The following SLC66A1 variants were observed in gnomAD, a reference collection of about 807,000 sequenced individuals.
SLC66A1 encodes the protein solute carrier family 66 member 1.
A neutral mutation model predicts 33.0 loss-of-function variants in SLC66A1; 23 were observed. The ratio of observed to expected loss-of-function variants is 0.70; its 90% CI spans 0.50 to 0.99. The LOEUF (loss-of-function observed/expected upper bound fraction) is 0.99. SLC66A1 is among the 50% of genes least tolerant of loss of function. The probability of loss-of-function intolerance (pLI) is 0.00; values close to 1 mark genes in which losing one functional copy is unlikely to be tolerated. For missense variants in SLC66A1, 335 were observed against 383.6 expected, an observed-to-expected ratio of 0.87 and a Z score of 1.06; for synonymous variants, 164 against 175.5, an observed-to-expected ratio of 0.93 and a Z score of 0.52.
Position 19,325,643 on chromosome 1 carries a change from G to GTGA in SLC66A1, c.382+61_382+62insTGA, listed in dbSNP as rs1558152056. 2.0e-4 allele frequency: 256 copies of GTGA among 1,296,234 alleles called. 1 individual carries two copies. The Middle Eastern group carries it at 2.5e-3, about 13-fold the overall frequency. The allele number at this position is 1,296,234 out of a possible 1,614,324, so 80.3% of individuals were successfully genotyped here. A position where few individuals can be genotyped will look rare whatever the true frequency, so the allele number is the denominator to read the frequency against. ...CCAGCAGCAGGGGGCAGTTGTGGGG[G>GTGA]GGGGCGCCTGGAGTGTGGGAGGAAG... is the stretch of plus-strand genomic sequence containing the variant. On this transcript the variant is annotated intron_variant, in intron 4 of 7. Coordinates refer to ENST00000375153, the MANE Select transcript of SLC66A1 (RefSeq NM_001040125.2).
chr1:19,326,711 A>AT, intron 6 of SLC66A1, 88 bp downstream of exon 6: 1 of 1,348,854 alleles, frequency 7.4e-7, no homozygotes, highest in South Asian at 1.2e-5. Flanking sequence ...GTAGCACAGC[A>AT]TAGGAGCCTT....
At chr1:19,323,547 C>T (rs2093848087) in intron 2 of SLC66A1, among the ~76,000 whole-genome samples, 1 of 152,174 alleles carries the variant, frequency 6.6e-6, no homozygotes, top group African/African-American at 2.4e-5. Flanking sequence ...GCTGGGATTA[C>T]AGGCGTGCGC....
At chr1:19,314,969 G>A (rs1368449554) in intron 1 of SLC66A1, among the ~76,000 whole-genome samples, 5 of 152,006 alleles carry the variant, frequency 3.3e-5, no homozygotes, top group African/African-American at 4.8e-5. Context: ...GTGCAATGGC[G>A]CGATCTCAGC....
chr1:19,321,743 T>G (rs1433612191), intron 2 of SLC66A1, among the ~76,000 whole-genome samples: 1 of 149,776 alleles, frequency 6.7e-6, no homozygotes, highest in African/African-American at 2.6e-5. Context: ...ATTTTTGCAT[T>G]TTTAGTAAAG....
At chr1:19,333,891 C>A (rs2093898176), downstream of SLC66A1, among the ~76,000 whole-genome samples, 1 of 132,170 alleles carries the variant, frequency 7.6e-6, no homozygotes, top group African/African-American at 3.0e-5. This position sits in a 1 kb window ranked among gnomAD's most constrained non-coding sequence, Gnocchi z 4.2. Flanking sequence ...GTGACAGAGA[C>A]CTTGTCTCAA....
chr1:19,325,967 C>A (rs770092375), intron 4 of SLC66A1, among the ~76,000 whole-genome samples: 2 of 152,186 alleles, frequency 1.3e-5, no homozygotes, highest in African/African-American at 4.8e-5. Context: ...TATACAGACA[C>A]GGGGAGGGAC....
downstream of SLC66A1, among the ~76,000 whole-genome samples, chr1:19,331,020 A>AT (rs201642926): frequency 0.042 from 6,377 of 151,148 alleles, 171 homozygotes; most frequent in African/African-American, 0.06. Context: ...GGGAGTTTTT[A>AT]TTTTTTTTTG....
At position 19,326,295 on chromosome 1, in the gene SLC66A1, G is replaced by A. The variant is rs140513543; in HGVS notation, c.433G>A (p.Ala145Thr). 8.0e-4 allele frequency: 1,288 copies of A among 1,606,926 alleles called. 6 individuals carry two copies. The African/African-American group carries it at 0.013, about 17-fold the overall frequency. Reference protein sequence around the residue: ...VLLFLMGMACATPLLSAAGPV... With the variant: ...VLLFLMGMACTTPLLSAAGPV... ...GTTGTTCCTCATGGGGATGGCGTGC[G>A]CCACACCGCTGCTGAGTGCTGCTGG... Residue 145 changes from alanine to threonine, a missense_variant, in exon 5 of 8, where the codon GCC becomes ACC. Ala to Thr is a moderately conservative substitution (Grantham distance 58). Coordinates refer to ENST00000375153, the MANE Select transcript of SLC66A1 (RefSeq NM_001040125.2).
chr1:19,317,450 G>C, intron 1 of SLC66A1, 150 bp from the exon 2 acceptor site: 6 of 1,009,752 alleles, frequency 5.9e-6, no homozygotes, highest in East Asian at 2.9e-5. Flanking sequence ...GGAGCTGATT[G>C]GGTCCTGGTG....
chr1:19,329,892 C>T (rs569615024), downstream of SLC66A1, among the ~76,000 whole-genome samples: 3 of 152,142 alleles, frequency 2.0e-5, no homozygotes, highest in South Asian at 6.2e-4. Flanking sequence ...GAAGAAGTGG[C>T]GGGTACAGGA....
Position 19,324,755 on chromosome 1 carries a change from C to T in SLC66A1, c.287C>T (p.Pro96Leu). Residue 96 changes from proline (P) to leucine (L), a missense_variant, in exon 3 of 8, where the codon CCC becomes CTC. Coordinates refer to ENST00000375153, the MANE Select transcript of SLC66A1 (RefSeq NM_001040125.2). Reference protein sequence around the residue: ...LIGSFLADQLPLQTYTAVYYV... With the variant: ...LIGSFLADQLLLQTYTAVYYV... Reference sequence around the variant, plus strand: ...GGCTCCTTCCTTGCTGACCAGCTGCCCCTGCAGGTGGGCCGGTACCCGGGC... The same window carrying T: ...GGCTCCTTCCTTGCTGACCAGCTGCTCCTGCAGGTGGGCCGGTACCCGGGC... 1 of 1,614,114 alleles carries T rather than the reference C, an allele frequency of 6.2e-7. No individual in the cohort carries two copies. Among genetic ancestry groups the T allele is most frequent in the South Asian group, 1.1e-5 (1 of 91,086 alleles).
At chr1:19,326,014 G>A (rs868055956) in intron 4 of SLC66A1, among the ~76,000 whole-genome samples, 4 of 152,192 alleles carry the variant, frequency 2.6e-5, no homozygotes, top group African/African-American at 4.8e-5. Context: ...TTCCTGCTTC[G>A]TGTAACCCCC....
intron 7 of SLC66A1, 76 bp downstream of exon 7, chr1:19,327,488 C>T: frequency 7.3e-6 from 11 of 1,501,390 alleles, no homozygotes; most frequent in Non-Finnish European, 1.0e-5. Context: ...CGTCAGCACT[C>T]ATCCGTCTCT....
chr1:19,317,756 G>T lies in SLC66A1; in HGVS notation c.79G>T (p.Gly27Cys). The T allele has an allele frequency of 6.2e-7, 1 of 1,614,196 alleles. No homozygotes were observed. Among genetic ancestry groups the T allele is most frequent in the Middle Eastern group, 1.6e-4 (1 of 6,062 alleles). ...CATCCAGTGGATATGGGATGTGTTG[G>T]GTGAATGTGCCCAGGACGGCTGGGA... ...GSIQWIWDVL[G>C]ECAQDGWDEA... is the part of the protein sequence containing the mutation. Residue 27 changes from glycine to cysteine, a missense_variant, in exon 2 of 8, where the codon GGT becomes TGT. Physicochemically the swap from Gly to Cys is radical, Grantham distance 159. Coordinates refer to ENST00000375153, the MANE Select transcript of SLC66A1 (RefSeq NM_001040125.2).
At chr1:19,313,656 G>A (rs765670866) in intron 1 of SLC66A1, among the ~76,000 whole-genome samples, 9 of 152,220 alleles carry the variant, frequency 5.9e-5, no homozygotes, top group Non-Finnish European at 1.3e-4. Context: ...TAGGGGAAGA[G>A]ATGGCACGTG....
chr1:19,318,798 A>G (rs1569750450), intron 2 of SLC66A1, among the ~76,000 whole-genome samples: 1 of 152,138 alleles, frequency 6.6e-6, no homozygotes, highest in Non-Finnish European at 1.5e-5. Context: ...AAAAAAAAAA[A>G]AAAATTAAAA....
intron 2 of SLC66A1, among the ~76,000 whole-genome samples, chr1:19,320,453 G>A (rs905136984): frequency 2.1e-4 from 25 of 120,110 alleles, no homozygotes; most frequent in East Asian, 1.2e-3. Flanking sequence ...TCGCTCTGTC[G>A]CCCAGGCTGG....
chr1:19,330,712 A>T (rs1469459165), downstream of SLC66A1, among the ~76,000 whole-genome samples: 1 of 152,130 alleles, frequency 6.6e-6, no homozygotes, highest in South Asian at 2.1e-4. Context: ...GAGCCTTGAA[A>T]GCCACACCAA....
rs757290501 is a variant in SLC66A1, at chr1:19,326,598, C to G, written c.593C>G (p.Ser198Cys). ...ATCTCCAGCGTGTTGTACCTGCTTT[C>G]CCGGCTGCCTCAGATCCGCACCAAC... Reference protein sequence around the residue: ...GSISSVLYLLSRLPQIRTNFL... With the variant: ...GSISSVLYLLCRLPQIRTNFL... The change falls in exon 6 of 8, where the codon TCC becomes TGC. Residue 198 changes from serine to cysteine, a missense_variant. By Grantham distance (112) the Ser-to-Cys change is moderately radical. Coordinates refer to ENST00000375153, the MANE Select transcript of SLC66A1 (RefSeq NM_001040125.2). 1 of 1,614,222 alleles carries G rather than the reference C, an allele frequency of 6.2e-7. No individual in the cohort carries two copies. Among genetic ancestry groups the G allele is most frequent in the Non-Finnish European group, 8.5e-7 (1 of 1,180,046 alleles).
Sources: allele counts gnomAD v4.1 joint callset (sites outside exome capture counted in the v4.1 genomes callset), GRCh38; gene constraint gnomAD v4.1.1; non-coding constraint Gnocchi (gnomAD v3.1); transcripts MANE v1.5; gene names NCBI Gene and HGNC (gene_info 2026-07-23, HGNC 2026-07-21).